Variants in TOX observed in about 807,000 individuals in gnomAD.
TOX encodes the protein thymocyte selection associated high mobility group box.
A neutral mutation model predicts 53.7 loss-of-function variants in TOX; 11 were observed. The ratio of observed to expected loss-of-function variants is 0.20; its 90% confidence interval spans 0.13 to 0.34. The LOEUF (loss-of-function observed/expected upper bound fraction) is 0.34. TOX is among the 10% of genes least tolerant of loss of function. The pLI, the probability that TOX is intolerant of heterozygous loss-of-function variation, is 1.00. For synonymous variants in TOX, 225 were observed against 245.3 expected (o/e 0.92, Z 0.77); for missense variants, 570 against 664.6 (o/e 0.86, Z 1.56).
intron 1 of TOX, among the ~76,000 whole-genome samples, chr8:58,989,913 A>T (rs1039110566): frequency 3.9e-5 from 6 of 152,118 alleles, no homozygotes; most frequent in African/African-American, 1.4e-4. Context: ...AACCAACATC[A>T]TCTTGATCCA....
intron 3 of TOX, among the ~76,000 whole-genome samples, chr8:58,894,514 T>C (rs1358108144): frequency 6.6e-6 from 1 of 152,232 alleles, no homozygotes; most frequent in Non-Finnish European, 1.5e-5. Context: ...GATATAATGA[T>C]GTATTCTTAA....
At chr8:59,027,877 C>T (rs1585973435) in intron 1 of TOX, among the ~76,000 whole-genome samples, 1 of 152,126 alleles carries the variant, frequency 6.6e-6, no homozygotes, top group East Asian at 1.9e-4. Context: ...TGACCTACTG[C>T]TCTTCATTCA....
At chr8:58,988,370 A>T (rs1813374026) in intron 1 of TOX, among the ~76,000 whole-genome samples, 1 of 152,184 alleles carries the variant, frequency 6.6e-6, no homozygotes, top group South Asian at 2.1e-4. Flanking sequence ...ATGTTCTTTC[A>T]TTTCTGTATG....
At chr8:58,990,964 T>C (rs1223132242) in intron 1 of TOX, among the ~76,000 whole-genome samples, 2 of 152,238 alleles carry the variant, frequency 1.3e-5, no homozygotes, top group African/African-American at 4.8e-5. Context: ...CTAACGTGTA[T>C]TGAGCACTTA....
chr8:59,003,305 G>A (rs1369224002), intron 1 of TOX, among the ~76,000 whole-genome samples: 1 of 152,086 alleles, frequency 6.6e-6, no homozygotes, highest in Non-Finnish European at 1.5e-5. Flanking sequence ...TCATTGAAAT[G>A]TTTTCTTTTT....
chr8:58,937,814 C>CA (rs1812371599), intron 3 of TOX, among the ~76,000 whole-genome samples: 1 of 152,106 alleles, frequency 6.6e-6, no homozygotes, highest in African/African-American at 2.4e-5. Context: ...CTCTAGGGAA[C>CA]AGGGGTCCCT....
chr8:58,987,319 GC>G (rs1431042501), intron 1 of TOX, among the ~76,000 whole-genome samples: 1 of 152,198 alleles, frequency 6.6e-6, no homozygotes, highest in Non-Finnish European at 1.5e-5. Flanking sequence ...GAGAAAGGAA[GC>G]AAATGCAGGT....
At chr8:59,043,482 G>A (rs1803630593) in intron 1 of TOX, among the ~76,000 whole-genome samples, 3 of 151,998 alleles carry the variant, frequency 2.0e-5, no homozygotes, top group South Asian at 2.1e-4. Context: ...AATCTATTGA[G>A]TAACAGACTG....
chr8:59,017,713 C>CT (rs1179852954), intron 1 of TOX, among the ~76,000 whole-genome samples: 1 of 152,126 alleles, frequency 6.6e-6, no homozygotes, highest in East Asian at 1.9e-4. Context: ...CTGCAATTCA[C>CT]CAGGTAATAT....
At chr8:58,905,292 T>C (rs1344381622) in intron 3 of TOX, among the ~76,000 whole-genome samples, 1 of 152,150 alleles carries the variant, frequency 6.6e-6, no homozygotes, top group Admixed American at 6.5e-5. Context: ...AATTAATTTA[T>C]TTCACTCCCA....
At chr8:58,921,753 T>C (rs1037059426) in intron 3 of TOX, among the ~76,000 whole-genome samples, 1 of 152,378 alleles carries the variant, frequency 6.6e-6, no homozygotes, top group Admixed American at 6.5e-5. Flanking sequence ...ATTTTTATAA[T>C]TGTTTTTCAT....
At chr8:58,892,900 A>G (rs1220345123) in intron 3 of TOX, among the ~76,000 whole-genome samples, 1 of 152,256 alleles carries the variant, frequency 6.6e-6, no homozygotes, top group Non-Finnish European at 1.5e-5. Context: ...TGAGGATTAC[A>G]TATTAAAATA....
Position 59,080,479 on chromosome 8 carries a change from C to T in TOX, c.102+38407G>A, listed in dbSNP as rs113418512. On this transcript the variant is annotated intron_variant, in intron 1 of 8. Coordinates refer to ENST00000361421, the MANE Select transcript of TOX (RefSeq NM_014729.3). ...TGGAATGAGTTAAGACTTTTGGGGA[C>T]GGTTAGGAAGGCATGATTGTATTTT... is the stretch of plus-strand genomic sequence containing the variant. 9.4e-4 allele frequency among the ~76,000 whole-genome samples: 143 copies of T among 152,054 alleles called. 2 individuals are homozygous for T. Among genetic ancestry groups the T allele is most frequent in the African/African-American group, 3.2e-3 (134 of 41,466 alleles).
chr8:58,926,223 T>A (rs1812157591), intron 3 of TOX, among the ~76,000 whole-genome samples: 1 of 152,198 alleles, frequency 6.6e-6, no homozygotes, highest in Admixed American at 6.5e-5. Flanking sequence ...CCCCAGAGGC[T>A]GGGACATTCC....
chr8:58,829,761 C>G (rs950921963), intron 5 of TOX, among the ~76,000 whole-genome samples: 1 of 151,930 alleles, frequency 6.6e-6, no homozygotes, highest in Non-Finnish European at 1.5e-5. Flanking sequence ...GAAGAAAGGC[C>G]TCAACTATGA....
intron 3 of TOX, among the ~76,000 whole-genome samples, chr8:58,900,083 G>A (rs1432926211): frequency 6.6e-6 from 1 of 151,872 alleles, no homozygotes; most frequent in Non-Finnish European, 1.5e-5. Context: ...TATTTGCAGT[G>A]ATCAATAACA....
chr8:59,017,722 A>G (rs1427451468), intron 1 of TOX, among the ~76,000 whole-genome samples: 1 of 152,214 alleles, frequency 6.6e-6, no homozygotes, highest in African/African-American at 2.4e-5. Flanking sequence ...ACCAGGTAAT[A>G]TTATTCTGAG....
intron 3 of TOX, among the ~76,000 whole-genome samples, chr8:58,887,791 G>T (rs1285732525): frequency 6.6e-6 from 1 of 151,634 alleles, no homozygotes; most frequent in Non-Finnish European, 1.5e-5. Flanking sequence ...TTTTAATTTG[G>T]TTTTTATACG....
rs751420821 is a variant in TOX at position 58,939,329 on chromosome 8, T to C, written c.384A>G (p.Gly128=). The C allele has an allele frequency of 3.1e-6, 5 of 1,614,058 alleles. No homozygotes were observed. In the East Asian group the frequency reaches 1.1e-4, roughly 36 times the overall value. The part of the protein sequence containing the change: ...ITVSNMLGQD[G]TLLSNSISVM... ...CAGAAATGGAATTAGAAAGCAGTGT[T>C]CCATCCTGGCCCAGCATATTGGAGA... Residue 128 remains glycine (G), a synonymous_variant, in exon 3 of 9, where the codon GGA becomes GGG. Coordinates refer to ENST00000361421, the MANE Select transcript of TOX (RefSeq NM_014729.3).
Sources: gnomAD v4.1 joint callset for allele counts (sites outside exome capture counted in the v4.1 genomes callset) on GRCh38, gnomAD v4.1.1 for gene constraint, MANE v1.5 for transcripts, NCBI Gene and HGNC (gene_info 2026-07-23, HGNC 2026-07-21) for gene names.